The following SMG6 variants were observed in gnomAD, a reference collection of about 807,000 sequenced individuals.
The protein encoded by SMG6 is telomerase-binding protein EST1A.
A neutral mutation model predicts 142.2 loss-of-function variants in SMG6; 66 were observed. That is an observed-to-expected ratio of 0.46 (90% CI 0.38 to 0.57). The LOEUF (loss-of-function observed/expected upper bound fraction) is 0.57, where lower values mean the gene tolerates loss of function less well. Among genes scored for constraint, SMG6 ranks in the 20% least tolerant of loss-of-function variants. SMG6 has a pLI of 0.00. For synonymous variants in SMG6, 779 were observed against 702.4 expected (o/e 1.11, Z -1.72); for missense variants, 1,793 against 1,832.0 (o/e 0.98, Z 0.39).
At chr17:2,073,439 G>A (rs536824279) in intron 15 of SMG6, among the ~76,000 whole-genome samples, 23 of 151,998 alleles carry the variant, frequency 1.5e-4, no homozygotes, top group Admixed American at 5.2e-4. Context: ...GACCAGGCAC[G>A]GTGGCTCACG....
chr17:2,149,537 A>G (rs946306059), intron 13 of SMG6, among the ~76,000 whole-genome samples: 1 of 152,148 alleles, frequency 6.6e-6, no homozygotes, highest in African/African-American at 2.4e-5. Flanking sequence ...CAACACAAGG[A>G]AGAACAGGTG....
intron 10 of SMG6, among the ~76,000 whole-genome samples, chr17:2,195,510 A>G (rs1395775148): frequency 6.6e-6 from 1 of 152,242 alleles, no homozygotes; most frequent in Admixed American, 6.5e-5. Flanking sequence ...CTTGAGGGCA[A>G]GAGCTATGTC....
chr17:2,229,056 C>A (rs1166534074), intron 10 of SMG6, among the ~76,000 whole-genome samples: 2 of 152,040 alleles, frequency 1.3e-5, no homozygotes, highest in African/African-American at 4.8e-5. Context: ...AAATATGAAA[C>A]AATGCTCCTT....
At chr17:2,131,410 C>A (rs915809306) in intron 13 of SMG6, among the ~76,000 whole-genome samples, 1 of 152,084 alleles carries the variant, frequency 6.6e-6, no homozygotes, top group African/African-American at 2.4e-5. Flanking sequence ...ATTCTCCTGC[C>A]TCAGCCTCCT....
intron 16 of SMG6, chr17:2,066,227 A>G (rs994921767): frequency 9.0e-5 from 15 of 167,370 alleles, no homozygotes; most frequent in Non-Finnish European, 1.9e-4. Context: ...TGGCACATCT[A>G]CCTTCTCTGA....
In SMG6 at chr17:2,085,729, T is replaced by A. The variant is rs759419369; in HGVS notation, c.3530A>T (p.Asp1177Val). The change falls in exon 14 of 19, where the codon GAT becomes GTT. Residue 1177 changes from aspartate (D) to valine (V), a missense_variant. Physicochemically the swap from Asp to Val is radical, Grantham distance 152. Coordinates refer to ENST00000263073, the MANE Select transcript of SMG6 (RefSeq NM_017575.5). The surrounding 1 kb of genome is among the most constrained non-coding windows in gnomAD (Gnocchi z 4.1). ...MGSQEGTRLE[D>V]EEEDVVIEDF... ...CGGGCTCTTCCCGCATAGTACCTCATCTTCCAGTCGTGTTCCCTCTTGGCT... is the reference window on the plus strand; with the variant it reads ...CGGGCTCTTCCCGCATAGTACCTCAACTTCCAGTCGTGTTCCCTCTTGGCT... The A allele has an allele frequency of 7.1e-5, 114 of 1,613,046 alleles. No homozygotes were observed. The highest frequency in any genetic ancestry group is 9.5e-5 in the Non-Finnish European group (112 of 1,179,576).
At chr17:2,179,984 C>A (rs1290691740) in intron 12 of SMG6, among the ~76,000 whole-genome samples, 5 of 151,832 alleles carry the variant, frequency 3.3e-5, no homozygotes, top group African/African-American at 9.7e-5. Context: ...CTTTCACTTA[C>A]TGAGAACTAG....
intron 10 of SMG6, 23 bp downstream of exon 10, chr17:2,236,469 T>G: frequency 6.2e-7 from 1 of 1,606,502 alleles, no homozygotes; most frequent in East Asian, 2.2e-5. Flanking sequence ...ATATTCTAGA[T>G]GAAGAAACTA....
rs1597327657 is a variant in SMG6 at position 2,069,013 on chromosome 17, T to C, written c.3682-82A>G. 8 of 1,412,568 alleles carry C rather than the reference T, an allele frequency of 5.7e-6. No homozygotes were observed. The East Asian group carries it at 1.9e-4, about 33-fold the overall frequency. The allele number at this position is 1,412,568 out of a possible 1,614,324, so 87.5% of individuals were successfully genotyped here. A position where few individuals can be genotyped will look rare whatever the true frequency, so the allele number is the denominator to read the frequency against. ...GCCAGGGCCCTGACACTACGGTGTG[T>C]CAGCATCCTGCCCCTAGGAACCTCT... On this transcript the variant is annotated intron_variant, in intron 15 of 18. Transcript: ENST00000263073.
At chr17:2,132,258 C>T (rs1025790267) in intron 13 of SMG6, among the ~76,000 whole-genome samples, 4 of 152,160 alleles carry the variant, frequency 2.6e-5, no homozygotes, top group African/African-American at 9.7e-5. Context: ...AGAGACTATG[C>T]CTGTCTCATT....
intron 13 of SMG6, among the ~76,000 whole-genome samples, chr17:2,146,129 A>T (rs1056308308): frequency 6.6e-6 from 1 of 152,224 alleles, no homozygotes; most frequent in Non-Finnish European, 1.5e-5. Flanking sequence ...ATTCTCAAAA[A>T]ACAATAGTAA....
At chr17:2,075,014 G>A (rs924237004) in intron 15 of SMG6, among the ~76,000 whole-genome samples, 2 of 152,230 alleles carry the variant, frequency 1.3e-5, no homozygotes, top group African/African-American at 2.4e-5. Context: ...AGGCTGGAGC[G>A]GGTCTGGGTG....
chr17:2,067,496 A>T (rs1398180553), intron 16 of SMG6, among the ~76,000 whole-genome samples: 1 of 152,194 alleles, frequency 6.6e-6, no homozygotes, highest in East Asian at 1.9e-4. Context: ...AGAGAGACAT[A>T]TGACCCGGCA....
At chr17:2,119,366 G>C (rs886800987) in intron 13 of SMG6, among the ~76,000 whole-genome samples, 1 of 151,406 alleles carries the variant, frequency 6.6e-6, no homozygotes. Flanking sequence ...CATAATTTTT[G>C]TATTTTTAAT....
intron 13 of SMG6, among the ~76,000 whole-genome samples, chr17:2,104,511 A>G (rs1430189097): frequency 2.0e-5 from 3 of 152,004 alleles, no homozygotes; most frequent in Non-Finnish European, 4.4e-5. Flanking sequence ...AAAACCCATG[A>G]GCATGCCAGA....
intron 10 of SMG6, among the ~76,000 whole-genome samples, chr17:2,206,435 T>C (rs148629119): frequency 6.0e-5 from 9 of 151,200 alleles, no homozygotes. Context: ...TAAAATTAGT[T>C]GGGCAAGGTG....
intron 13 of SMG6, among the ~76,000 whole-genome samples, chr17:2,128,653 G>A (rs1175179869): frequency 5.9e-5 from 9 of 151,992 alleles, no homozygotes; most frequent in East Asian, 5.8e-4. Flanking sequence ...GTGAAACCCC[G>A]TCTCTACTAA....
At chr17:2,273,548 G>A (rs367594957) in intron 8 of SMG6, among the ~76,000 whole-genome samples, 11 of 152,186 alleles carry the variant, frequency 7.2e-5, no homozygotes, top group South Asian at 2.1e-4. Flanking sequence ...CAGGAGAATC[G>A]TTTGAACCGG....
chr17:2,199,404 G>A (rs1567677388), intron 10 of SMG6, among the ~76,000 whole-genome samples: 1 of 151,782 alleles, frequency 6.6e-6, no homozygotes, highest in African/African-American at 2.4e-5. Flanking sequence ...AGGCTGAGGT[G>A]GGAGCATCAC....
Sources: gnomAD v4.1 joint callset for allele counts (sites outside exome capture counted in the v4.1 genomes callset) on GRCh38, gnomAD v4.1.1 for gene constraint, Gnocchi (gnomAD v3.1) non-coding constraint, MANE v1.5 for transcripts, NCBI Gene and HGNC (gene_info 2026-07-23, HGNC 2026-07-21) for gene names.